Variants in PHF24 observed in about 807,000 individuals in gnomAD.
The protein encoded by PHF24 is Galpha inhibitory interacting protein.
A neutral mutation model predicts 42.6 loss-of-function variants in PHF24; 25 were observed. The ratio of observed to expected loss-of-function variants is 0.59; its 90% CI spans 0.43 to 0.82. The LOEUF is 0.82. PHF24 is among the 40% of genes least tolerant of loss of function. The pLI, the probability that PHF24 is intolerant of heterozygous loss-of-function variation, is 0.00. For missense variants in PHF24, 470 were observed against 538.1 expected (o/e 0.87, Z 1.25); for synonymous variants, 185 against 204.8 (o/e 0.90, Z 0.83).
chr9:34,928,784 A>T, the PHF24 span, among the ~76,000 whole-genome samples: 1 of 152,142 alleles, frequency 6.6e-6, no homozygotes, highest in Non-Finnish European at 1.5e-5. Flanking sequence ...TCTCTAATCC[A>T]TCCCTGTCCA....
the PHF24 span, among the ~76,000 whole-genome samples, chr9:34,727,338 C>T: frequency 6.6e-6 from 1 of 152,224 alleles, no homozygotes; most frequent in South Asian, 2.1e-4. Context: ...AGGAACATCA[C>T]CAGTTAGAAC....
the PHF24 span, among the ~76,000 whole-genome samples, chr9:34,886,565 C>T: frequency 1.2e-4 from 18 of 152,194 alleles, no homozygotes; most frequent in Admixed American, 1.1e-3. Context: ...CAGTATGACA[C>T]TCTTCTAGCT....
rs778319918 is a variant in PHF24 at position 34,976,121 on chromosome 9, G to T, written c.565-31G>T. Reference sequence around the variant, plus strand: ...CCTGGCCTTTCTTACTGGCCTGTATGGCCACCGACTCAGCTCTTCCTTATT... The same window carrying T: ...CCTGGCCTTTCTTACTGGCCTGTATTGCCACCGACTCAGCTCTTCCTTATT... On this transcript the variant is annotated intron_variant, in intron 3 of 7. Coordinates refer to ENST00000242315, the Ensembl canonical transcript of PHF24. 3.2e-6 allele frequency: 5 copies of T among 1,554,336 alleles called. No homozygotes were observed. In the South Asian group the frequency reaches 5.6e-5, roughly 17 times the overall value.
At chr9:34,793,316 A>G in the PHF24 span, among the ~76,000 whole-genome samples, 1 of 152,202 alleles carries the variant, frequency 6.6e-6, no homozygotes, top group Non-Finnish European at 1.5e-5. Flanking sequence ...CATGGATACA[A>G]TTTCTTTCTT....
At chr9:34,855,814 G>T in the PHF24 span, among the ~76,000 whole-genome samples, 1 of 152,078 alleles carries the variant, frequency 6.6e-6, no homozygotes, top group Non-Finnish European at 1.5e-5. Flanking sequence ...TTGAATGTTG[G>T]CCTGTCTTGC....
At chr9:34,735,133 C>CTTTTTTTTTT in the PHF24 span, among the ~76,000 whole-genome samples, 1 of 112,482 alleles carries the variant, frequency 8.9e-6, no homozygotes, top group African/African-American at 3.2e-5. Flanking sequence ...TTTCTTTTTT[C>CTTTTTTTTTT]TTTTTTTTTT....
At chr9:34,793,899 AT>A in the PHF24 span, among the ~76,000 whole-genome samples, 1 of 150,026 alleles carries the variant, frequency 6.7e-6, no homozygotes, top group African/African-American at 2.5e-5. Context: ...AACCCCTGTT[AT>A]TTTTTTTCTC....
the PHF24 span, chr9:34,724,070 G>A: frequency 6.6e-7 from 1 of 1,520,624 alleles, no homozygotes; most frequent in Non-Finnish European, 8.9e-7. Context: ...GTGGTCCCTG[G>A]CTGCTTTGGT....
the PHF24 span, chr9:34,708,985 AAAC>A: frequency 5.7e-6 from 1 of 176,080 alleles, no homozygotes; most frequent in Non-Finnish European, 1.2e-5. Context: ...CGGTGGACAT[AAAC>A]ACATGGGAAC....
chr9:34,772,146 T>C, the PHF24 span, among the ~76,000 whole-genome samples: 5 of 152,190 alleles, frequency 3.3e-5, no homozygotes, highest in Non-Finnish European at 7.3e-5. Context: ...GAACAAGTTA[T>C]AATGAATTAA....
At chr9:34,752,073 A>C in the PHF24 span, among the ~76,000 whole-genome samples, 1 of 152,176 alleles carries the variant, frequency 6.6e-6, no homozygotes, top group Non-Finnish European at 1.5e-5. Context: ...GGAAGTTTAT[A>C]GCTATTAGTG....
chr9:34,957,657 G>T (rs1004732346), upstream of PHF24: 6 of 152,280 alleles, frequency 3.9e-5, no homozygotes, highest in African/African-American at 1.4e-4. Context: ...TTATGTGAAG[G>T]TTCGTTGGGA....
the PHF24 span, among the ~76,000 whole-genome samples, chr9:34,908,015 G>T: frequency 6.6e-6 from 1 of 151,994 alleles, no homozygotes; most frequent in South Asian, 2.1e-4. Flanking sequence ...GCTAATTTTT[G>T]TATTTTTAGT....
At chr9:34,796,805 A>C in the PHF24 span, among the ~76,000 whole-genome samples, 5 of 152,194 alleles carry the variant, frequency 3.3e-5, no homozygotes, top group Non-Finnish European at 5.9e-5. Context: ...CATCAACCCC[A>C]TTCCTAGGTA....
chr9:34,784,171 G>A, the PHF24 span, among the ~76,000 whole-genome samples: 82,909 of 152,006 alleles, frequency 0.55, 24,143 homozygotes, highest in Middle Eastern at 0.65. Context: ...AAATAGGCTT[G>A]CTGCTAGAGC....
the PHF24 span, among the ~76,000 whole-genome samples, chr9:34,782,854 C>T: frequency 6.6e-6 from 1 of 152,110 alleles, no homozygotes; most frequent in Non-Finnish European, 1.5e-5. Context: ...TGCTCCAAAC[C>T]TATATCTTTA....
the PHF24 span, chr9:34,691,113 C>A: frequency 3.1e-6 from 5 of 1,612,824 alleles, no homozygotes; most frequent in Middle Eastern, 3.3e-4. Flanking sequence ...AGAGAACCAG[C>A]AGGCTGAGGG....
chr9:34,674,478 T>C, the PHF24 span, among the ~76,000 whole-genome samples: 9 of 152,254 alleles, frequency 5.9e-5, no homozygotes, highest in African/African-American at 1.9e-4. Flanking sequence ...GGCCATACAG[T>C]CTTTGTAGCA....
At chr9:34,813,791 A>T in the PHF24 span, among the ~76,000 whole-genome samples, 13 of 152,180 alleles carry the variant, frequency 8.5e-5, no homozygotes, top group African/African-American at 2.7e-4. Context: ...AATTAGAATC[A>T]AGTCACATAT....
Sources: allele counts gnomAD v4.1 joint callset (sites outside exome capture counted in the v4.1 genomes callset), GRCh38; gene constraint gnomAD v4.1.1; transcripts MANE v1.5; gene names NCBI Gene and HGNC (gene_info 2026-07-23, HGNC 2026-07-21).